Variants in SH3KBP1 observed in about 807,000 individuals in gnomAD.
SH3KBP1 encodes SH3 domain containing kinase binding protein 1, also known as SH3 domain-containing kinase-binding protein 1.
Under a neutral mutation model 50.1 loss-of-function variants are expected in SH3KBP1, and 8 were observed. The observed-to-expected ratio is 0.16, with a 90% CI of 0.09 to 0.29. The LOEUF (loss-of-function observed/expected upper bound fraction) is 0.29, where lower values mean the gene tolerates loss of function less well. SH3KBP1 is among the 10% of genes least tolerant of loss of function. SH3KBP1 has a pLI of 1.00. For missense variants in SH3KBP1, 377 were observed against 535.2 expected (o/e 0.70, Z 2.92); for synonymous variants, 227 against 218.6 (o/e 1.04, Z -0.34).
At chrX:19,862,037 T>C (rs1430884024) in intron 1 of SH3KBP1, among the ~76,000 whole-genome samples, 1 of 112,079 alleles carries the variant, frequency 8.9e-6, no homozygotes, top group Non-Finnish European at 1.9e-5. Context: ...ACTGCTCTGA[T>C]TGTGCTTTGT....
intron 6 of SH3KBP1, among the ~76,000 whole-genome samples, chrX:19,648,215 G>A (rs939027749): frequency 5.5e-5 from 6 of 109,478 alleles, no homozygotes; most frequent in African/African-American, 2.0e-4. Flanking sequence ...CATGGGGGAG[G>A]ATAGTTGGCC....
chrX:19,680,840 C>G (rs112355816), intron 6 of SH3KBP1, among the ~76,000 whole-genome samples: 15 of 111,462 alleles, frequency 1.3e-4, no homozygotes, highest in African/African-American at 4.2e-4. Context: ...TTGTCCACAC[C>G]CAGAAAGCAG....
intron 12 of SH3KBP1, among the ~76,000 whole-genome samples, chrX:19,571,322 A>G (rs1198311328): frequency 9.0e-6 from 1 of 111,588 alleles, no homozygotes; most frequent in Non-Finnish European, 1.9e-5. Flanking sequence ...TTCCTGCCTC[A>G]CCCTAACTTC....
chrX:19,708,112 A>G lies in SH3KBP1; in HGVS notation c.287-1128T>C, dbSNP rs1366965803. On this transcript the variant is annotated intron_variant, in intron 3 of 17. Coordinates refer to ENST00000397821, the MANE Select transcript of SH3KBP1 (RefSeq NM_031892.3). Reference sequence around the variant, plus strand: ...ATCTTTTCTCTGAGAAAGGAAGTCCATGCAGAGGTGATCACAGGGCACATT... The same window carrying G: ...ATCTTTTCTCTGAGAAAGGAAGTCCGTGCAGAGGTGATCACAGGGCACATT... 3.5e-5 allele frequency among the ~76,000 whole-genome samples: 4 copies of G among 113,026 alleles called. 1 individual carries two copies. Among genetic ancestry groups the G allele is most frequent in the Admixed American group, 2.8e-4 (3 of 10,762 alleles).
chrX:19,615,254 T>A (rs1863170846), intron 8 of SH3KBP1, among the ~76,000 whole-genome samples: 1 of 112,359 alleles, frequency 8.9e-6, no homozygotes, highest in South Asian at 3.7e-4. Flanking sequence ...ACTGAAAACA[T>A]AAAAATGGGT....
chrX:19,541,786 T>A, intron 16 of SH3KBP1, 139 bp downstream of exon 16: 1 of 671,580 alleles, frequency 1.5e-6, no homozygotes, highest in Non-Finnish European at 2.3e-6. Context: ...CTACACGCAC[T>A]CCCACCATTG....
At chrX:19,665,703 A>G (rs1009934137) in intron 6 of SH3KBP1, among the ~76,000 whole-genome samples, 1 of 112,032 alleles carries the variant, frequency 8.9e-6, no homozygotes, top group African/African-American at 3.2e-5. Context: ...GAAGTACAAA[A>G]CAGGCTGCTG....
chrX:19,813,672 G>T (rs960643296), intron 2 of SH3KBP1, among the ~76,000 whole-genome samples: 1 of 110,676 alleles, frequency 9.0e-6, no homozygotes, highest in Admixed American at 9.6e-5. Flanking sequence ...TGTTAGGCTG[G>T]CCAGGACAGA....
At chrX:19,882,345 C>T (rs2069458378) in intron 1 of SH3KBP1, among the ~76,000 whole-genome samples, 1 of 111,031 alleles carries the variant, frequency 9.0e-6, no homozygotes, top group South Asian at 3.8e-4. Flanking sequence ...GATCAGCTGA[C>T]CTGGAGATGA....
intron 2 of SH3KBP1, among the ~76,000 whole-genome samples, chrX:19,801,197 C>T (rs1212928825): frequency 1.8e-5 from 2 of 112,031 alleles, no homozygotes; most frequent in African/African-American, 3.2e-5. Context: ...CAAAGGGCCC[C>T]ACTGCAGATG....
intron 12 of SH3KBP1, among the ~76,000 whole-genome samples, chrX:19,572,694 T>G (rs1203795901): frequency 2.7e-5 from 3 of 111,288 alleles, no homozygotes; most frequent in African/African-American, 9.8e-5. Context: ...CAGTGTTATT[T>G]GTAATGAAGA....
At chrX:19,747,353 G>A (rs184314792) in intron 2 of SH3KBP1, among the ~76,000 whole-genome samples, 2 of 112,312 alleles carry the variant, frequency 1.8e-5, no homozygotes, top group East Asian at 5.5e-4. Context: ...CCCCAAAGGA[G>A]TAAGGATTTT....
chrX:19,849,414 T>A (rs1208213021), intron 1 of SH3KBP1, among the ~76,000 whole-genome samples: 1 of 109,816 alleles, frequency 9.1e-6, no homozygotes, highest in African/African-American at 3.3e-5. Flanking sequence ...AGAGGCCAGG[T>A]GCGGTAGCTC....
At chrX:19,552,981 C>T (rs1472829516) in intron 13 of SH3KBP1, among the ~76,000 whole-genome samples, 4 of 111,130 alleles carry the variant, frequency 3.6e-5, no homozygotes, top group African/African-American at 1.3e-4. Flanking sequence ...AGTGGGTCCT[C>T]CCATGCTGGG....
At chrX:19,683,668 G>A (rs1252691349) in intron 6 of SH3KBP1, among the ~76,000 whole-genome samples, 155 bp downstream of exon 6, 3 of 111,561 alleles carry the variant, frequency 2.7e-5, no homozygotes, top group Non-Finnish European at 5.6e-5. Flanking sequence ...TTCCCACACA[G>A]AGGGAGAGCT....
intron 12 of SH3KBP1, among the ~76,000 whole-genome samples, chrX:19,579,604 T>C (rs2066303012): frequency 8.9e-6 from 1 of 112,376 alleles, no homozygotes; most frequent in South Asian, 3.7e-4. Context: ...GGAAAATCCA[T>C]GTGACTCAGC....
chrX:19,648,301 A>T (rs780786702), intron 6 of SH3KBP1, among the ~76,000 whole-genome samples: 3 of 107,141 alleles, frequency 2.8e-5, no homozygotes, highest in Admixed American at 1.0e-4. Flanking sequence ...AAGGAGAAGG[A>T]GGGAAGGAAG....
chrX:19,666,665 C>T (rs1163898748), intron 6 of SH3KBP1, among the ~76,000 whole-genome samples: 1 of 111,283 alleles, frequency 9.0e-6, no homozygotes, highest in Non-Finnish European at 1.9e-5. Context: ...ATTAGGATGG[C>T]TACAAGAAGA....
intron 10 of SH3KBP1, 22 bp from the exon 11 acceptor site, chrX:19,592,169 T>C (rs1359442528): frequency 8.9e-6 from 10 of 1,118,741 alleles, no homozygotes; most frequent in Admixed American, 6.7e-5. Flanking sequence ...AGGGTAATAG[T>C]GATCACAAAA....
Sources: gnomAD v4.1 joint callset for allele counts (sites outside exome capture counted in the v4.1 genomes callset) on GRCh38, gnomAD v4.1.1 for gene constraint, MANE v1.5 for transcripts, NCBI Gene and HGNC (gene_info 2026-07-23, HGNC 2026-07-21) for gene names.